Variants in FAM204A observed in about 807,000 individuals in gnomAD.
FAM204A encodes the protein protein FAM204A.
In FAM204A, 16 loss-of-function variants were observed where a neutral mutation model predicts 35.4. The observed-to-expected ratio is 0.45, with a 90% CI of 0.31 to 0.69. The LOEUF (loss-of-function observed/expected upper bound fraction) is 0.69, where lower values mean the gene tolerates loss of function less well. Ranked by LOEUF, FAM204A falls within the 30% of genes least tolerant of loss-of-function variation. The probability of loss-of-function intolerance (pLI) is 0.07; values close to 1 mark genes in which losing one functional copy is unlikely to be tolerated. For missense variants in FAM204A, 240 were observed against 265.7 expected, an observed-to-expected ratio of 0.90 and a Z score of 0.67; for synonymous variants, 76 against 86.9, an observed-to-expected ratio of 0.88 and a Z score of 0.70.
chr10:118,316,511 C>A (rs536148573), intron 7 of FAM204A, among the ~76,000 whole-genome samples: 1 of 152,142 alleles, frequency 6.6e-6, no homozygotes, highest in Non-Finnish European at 1.5e-5. Flanking sequence ...TATAACCTAA[C>A]TTCACTGTCA....
intron 7 of FAM204A, among the ~76,000 whole-genome samples, chr10:118,316,530 T>C (rs1401432348): frequency 6.6e-6 from 1 of 152,182 alleles, no homozygotes; most frequent in African/African-American, 2.4e-5. Context: ...CATCTTAAAA[T>C]GTGCATGCAC....
chr10:118,320,490 T>C (rs1358892070), intron 7 of FAM204A, among the ~76,000 whole-genome samples: 1 of 151,860 alleles, frequency 6.6e-6, no homozygotes, highest in Non-Finnish European at 1.5e-5. Context: ...GGAATGTACA[T>C]CAAACCAAGT....
chr10:118,332,328 T>A (rs1846304861), intron 6 of FAM204A, among the ~76,000 whole-genome samples: 1 of 152,090 alleles, frequency 6.6e-6, no homozygotes, highest in South Asian at 2.1e-4. Flanking sequence ...AGTTTCTTTA[T>A]CTGTATTCTG....
chr10:118,333,324 G>T lies in FAM204A; in HGVS notation c.453+1790C>A, dbSNP rs183545499. ...TCTGCTCCAGAGAAACAAAATAGTG[G>T]ATGGAAATTCATGCTAGTTTTGTTC... On this transcript the variant is annotated intron_variant, in intron 6 of 8. Coordinates refer to ENST00000369183, the MANE Select transcript of FAM204A (RefSeq NM_022063.3). Among the ~76,000 whole-genome samples the T allele has an allele frequency of 4.3e-3, 658 of 152,306 alleles. 8 individuals are homozygous for T. Among genetic ancestry groups the T allele is most frequent in the Non-Finnish European group, 6.9e-3 (472 of 68,028 alleles).
rs1452169339 is a variant in FAM204A at position 118,298,339 on chromosome 10, GGGTACCTCAGTGT to G, written c.*12505_*12517del. ...CATCCTGATTTTCCACCCTCTTTCT[GGGTACCTCAGTGT>G]CCTCTTGTTGTAAAAGTCATTAGGT... On this transcript the variant is annotated 3_prime_UTR_variant, in exon 9 of 9. Transcript: ENST00000369183. 3.3e-5 allele frequency: 5 copies of G among 152,190 alleles called. No homozygotes were observed. The highest frequency in any genetic ancestry group is 7.3e-5 in the Non-Finnish European group (5 of 68,052). 9.4% of individuals were successfully genotyped at this position (152,190 alleles called of 1,614,324 possible). A position where few individuals can be genotyped will look rare whatever the true frequency, so the allele number is the denominator to read the frequency against.
intron 7 of FAM204A, chr10:118,322,278 C>A (rs1452861658): frequency 2.2e-6 from 1 of 453,292 alleles, no homozygotes; most frequent in South Asian, 1.6e-5. Flanking sequence ...ACAATAACAT[C>A]ACAGTGGAGA....
chr10:118,304,875 G>C lies in FAM204A; in HGVS notation c.*5982C>G, dbSNP rs1384655647. The C allele has an allele frequency of 6.6e-6, 1 of 152,290 alleles. No homozygotes were observed. The highest frequency in any genetic ancestry group is 2.1e-4 in the South Asian group (1 of 4,828). 9.4% of individuals were successfully genotyped at this position (152,290 alleles called of 1,614,324 possible). On this transcript the variant is annotated 3_prime_UTR_variant, in exon 9 of 9. Coordinates refer to ENST00000369183, the MANE Select transcript of FAM204A (RefSeq NM_022063.3). The stretch of plus-strand genomic sequence containing the variant: ...CAGCAAAATGTAAAGTTACTACATC[G>C]TATGTGATTGAGGCAATGTGGCAGA...
intron 7 of FAM204A, among the ~76,000 whole-genome samples, chr10:118,320,905 T>TG (rs1846105391): frequency 1.5e-5 from 2 of 134,940 alleles, no homozygotes. Flanking sequence ...GTGTGTGTGG[T>TG]TTTTTTTTTT....
intron 7 of FAM204A, among the ~76,000 whole-genome samples, chr10:118,320,715 G>A (rs1009075013): frequency 4.0e-5 from 6 of 151,856 alleles, no homozygotes; most frequent in South Asian, 4.1e-4. Context: ...AACCAAAGAC[G>A]ACAGCATAAT....
intron 2 of FAM204A, chr10:118,337,207 AT>A (rs1846402662): frequency 1.0e-6 from 1 of 982,182 alleles, no homozygotes; most frequent in Non-Finnish European, 1.2e-6. Flanking sequence ...TGCTAAAAGT[AT>A]AATACTCAAG....
chr10:118,328,883 A>C (rs1589726971), intron 6 of FAM204A, among the ~76,000 whole-genome samples: 1 of 152,256 alleles, frequency 6.6e-6, no homozygotes, highest in Non-Finnish European at 1.5e-5. Flanking sequence ...TTTTCGTCTT[A>C]CTTTTTACCC....
intron 2 of FAM204A, chr10:118,337,130 C>T (rs1339589491): frequency 2.2e-6 from 1 of 445,856 alleles, no homozygotes; most frequent in Non-Finnish European, 3.0e-6. Context: ...ATTAGCTATA[C>T]AGTCCATTAG....
chr10:118,335,514 A>G lies in FAM204A; in HGVS notation c.322+40T>C, dbSNP rs973836493. 1.9e-6 allele frequency: 3 copies of G among 1,597,246 alleles called. No homozygotes were observed. In the African/African-American group the frequency reaches 4.1e-5, roughly 22 times the overall value. On this transcript the variant is annotated intron_variant, in intron 4 of 8. Coordinates refer to ENST00000369183, the MANE Select transcript of FAM204A (RefSeq NM_022063.3). ...AAATGGTTAAACTCAGTCACAACTT[A>G]GCATTAGCACGACGAACAACCTGAG... is the stretch of plus-strand genomic sequence containing the variant.
intron 6 of FAM204A, among the ~76,000 whole-genome samples, chr10:118,329,447 A>G (rs186729342): frequency 6.6e-6 from 1 of 152,146 alleles, no homozygotes; most frequent in East Asian, 1.9e-4. Flanking sequence ...CCATTTTCCT[A>G]ATGTTCCCTG....
At chr10:118,317,433 G>C (rs1846049127) in intron 7 of FAM204A, among the ~76,000 whole-genome samples, 1 of 151,890 alleles carries the variant, frequency 6.6e-6, no homozygotes, top group Non-Finnish European at 1.5e-5. Flanking sequence ...TTAGTTAAAA[G>C]CACAGATAAA....
At position 118,303,269 on chromosome 10, in the gene FAM204A, A is replaced by C. The variant is rs760358104; in HGVS notation, c.*7588T>G. 3 of 152,274 alleles carry C rather than the reference A, an allele frequency of 2.0e-5. No homozygotes were observed. The highest frequency in any genetic ancestry group is 2.9e-5 in the Non-Finnish European group (2 of 68,058). 9.4% of individuals were successfully genotyped at this position (152,274 alleles called of 1,614,324 possible). The stretch of plus-strand genomic sequence containing the variant: ...TTTTCAATCTGCTAGACATTTATAC[A>C]TATGTAGAACCAAGATGTCCCTCCA... On this transcript the variant is annotated 3_prime_UTR_variant, in exon 9 of 9. Transcript: ENST00000369183.
At position 118,310,703 on chromosome 10, in the gene FAM204A, G is replaced by A; in HGVS notation, c.*154C>T. ...ACTTCAATAGGACAAAGTCCTTAAA[G>A]AAAGACTGAAAAGAGCTGATAATCA... is the stretch of plus-strand genomic sequence containing the variant. On this transcript the variant is annotated 3_prime_UTR_variant, in exon 9 of 9. Transcript: ENST00000369183. 6.2e-6 allele frequency: 4 copies of A among 648,104 alleles called. No individual in the cohort carries two copies. Among genetic ancestry groups the A allele is most frequent in the Non-Finnish European group, 1.1e-5 (4 of 372,676 alleles). 40.1% of individuals were successfully genotyped at this position (648,104 alleles called of 1,614,324 possible).
rs1845790317 is a variant in FAM204A, at chr10:118,299,859, A to C, written c.*10998T>G. On this transcript the variant is annotated 3_prime_UTR_variant, in exon 9 of 9. Transcript: ENST00000369183. ...AGACTGCATGAACCTATTTTTACTA[A>C]CAATTTTTCCATTAGCACGTCTTGA... is the stretch of plus-strand genomic sequence containing the variant. The C allele has an allele frequency of 6.6e-6, 1 of 152,236 alleles. No homozygotes were observed. The highest frequency in any genetic ancestry group is 1.5e-5 in the Non-Finnish European group (1 of 68,042). The allele number at this position is 152,236 out of a possible 1,614,324, so 9.4% of individuals were successfully genotyped here.
At chr10:118,333,089 T>C (rs1242670988) in intron 6 of FAM204A, among the ~76,000 whole-genome samples, 1 of 152,214 alleles carries the variant, frequency 6.6e-6, no homozygotes, top group African/African-American at 2.4e-5. Flanking sequence ...AGCCTCTGCA[T>C]TGTCTGAGAG....
Sources: gnomAD v4.1 joint callset for allele counts (sites outside exome capture counted in the v4.1 genomes callset) on GRCh38, gnomAD v4.1.1 for gene constraint, MANE v1.5 for transcripts, NCBI Gene and HGNC (gene_info 2026-07-23, HGNC 2026-07-21) for gene names.